The following NUAK1 variants were observed in gnomAD, a reference collection of about 807,000 sequenced individuals.
NUAK1 encodes NUAK family kinase 1, also known as NUAK family SNF1-like kinase 1.
NUAK1 carries 26 observed loss-of-function variants against 56.9 expected under a neutral mutation model. That is an observed-to-expected ratio of 0.46 (90% CI 0.33 to 0.63). NUAK1 has a LOEUF of 0.63. Ranked by LOEUF, NUAK1 falls within the 30% of genes least tolerant of loss-of-function variation. NUAK1 has a pLI of 0.02. For missense variants in NUAK1, 727 were observed against 876.1 expected (o/e 0.83, Z 2.15); for synonymous variants, 337 against 336.0 (o/e 1.00, Z -0.03).
intron 1 of NUAK1, among the ~76,000 whole-genome samples, chr12:106,128,162 C>T (rs1433538014): frequency 7.0e-6 from 1 of 143,844 alleles, no homozygotes; most frequent in Non-Finnish European, 1.5e-5. Context: ...CACAGAGACT[C>T]GTTCTGTTGC....
intron 2 of NUAK1, among the ~76,000 whole-genome samples, chr12:106,100,522 C>T (rs765304273): frequency 4.6e-5 from 7 of 152,200 alleles, no homozygotes; most frequent in Non-Finnish European, 1.0e-4. Context: ...AAAGGGACCG[C>T]CTGGTCTGTT....
intron 2 of NUAK1, 193 bp from the exon 3 acceptor site, chr12:106,087,078 G>T (rs1402400268): frequency 3.5e-6 from 2 of 566,478 alleles, no homozygotes; most frequent in African/African-American, 1.9e-5. Flanking sequence ...AATGGTGTGT[G>T]TCACCACCAC....
intron 2 of NUAK1, among the ~76,000 whole-genome samples, chr12:106,105,379 G>C (rs758684245): frequency 6.6e-5 from 10 of 152,214 alleles, no homozygotes; most frequent in Non-Finnish European, 1.2e-4. Flanking sequence ...TGCACAAGGA[G>C]AGTTGTGAAG....
chr12:106,138,503 A>C lies in NUAK1; in HGVS notation c.151T>G (p.Leu51Val). 2 of 1,613,230 alleles carry C rather than the reference A, an allele frequency of 1.2e-6. No individual in the cohort carries two copies. The highest frequency in any genetic ancestry group is 1.7e-6 in the Non-Finnish European group (2 of 1,179,772). Residue 51 changes from leucine to valine, a missense_variant, in exon 1 of 7, where the codon TTG (leucine) becomes GTG (valine). Transcript: ENST00000261402. The surrounding 1 kb of genome is among the most constrained non-coding windows in gnomAD (Gnocchi z 5.0). Reference protein sequence around the residue: ...GVKRHHHKHNLKHRYELQETL... With the variant: ...GVKRHHHKHNVKHRYELQETL... ...TCCTGCAGCTCGTAGCGGTGCTTCA[A>C]GTTGTGCTTGTGGTGATGCCGCTTC...
At chr12:106,075,409 T>A (rs1380131698) in intron 4 of NUAK1, among the ~76,000 whole-genome samples, 2 of 151,992 alleles carry the variant, frequency 1.3e-5, no homozygotes, top group African/African-American at 4.8e-5. Flanking sequence ...TTATATCAAC[T>A]ATTGATAAGA....
chr12:106,076,287 T>G (rs2032464304), intron 4 of NUAK1, among the ~76,000 whole-genome samples: 1 of 152,210 alleles, frequency 6.6e-6, no homozygotes, highest in Non-Finnish European at 1.5e-5. Flanking sequence ...CAGCAGCAAG[T>G]ACATGAAGGA....
chr12:106,067,711 C>G lies in NUAK1; in HGVS notation c.1077G>C (p.Glu359Asp). ...GCGACCGCTGCCGCTCTAGCATGACCTCAGAGGTCGTGGGTTTGGCCAGGC... is the reference window on the plus strand; with the variant it reads ...GCGACCGCTGCCGCTCTAGCATGACGTCAGAGGTCGTGGGTTTGGCCAGGC... ...MKGLAKPTTS[E>D]VMLERQRSLK... The change falls in exon 7 of 7, where the codon GAG becomes GAC. Residue 359 changes from glutamate to aspartate, a missense_variant. Glu to Asp is a conservative substitution (Grantham distance 45). Coordinates refer to ENST00000261402, the MANE Select transcript of NUAK1 (RefSeq NM_014840.3). This position sits in a 1 kb window ranked among gnomAD's most constrained non-coding sequence, Gnocchi z 6.0. 1 of 1,614,256 alleles carries G rather than the reference C, an allele frequency of 6.2e-7. No individual in the cohort carries two copies. Among genetic ancestry groups the G allele is most frequent in the Non-Finnish European group, 8.5e-7 (1 of 1,180,050 alleles).
At chr12:106,083,552 G>C (rs2032540126) in intron 4 of NUAK1, among the ~76,000 whole-genome samples, 1 of 152,170 alleles carries the variant, frequency 6.6e-6, no homozygotes, top group East Asian at 1.9e-4. Flanking sequence ...AATATGTATT[G>C]GTTGCTAAAA....
intron 5 of NUAK1, among the ~76,000 whole-genome samples, chr12:106,071,292 G>A (rs907760700): frequency 9.9e-5 from 15 of 152,172 alleles, no homozygotes; most frequent in African/African-American, 2.9e-4. Flanking sequence ...CCCCAGTGAC[G>A]GAGGTAAAAC....
chr12:106,080,793 G>A (rs905640820), intron 4 of NUAK1, among the ~76,000 whole-genome samples: 18 of 152,160 alleles, frequency 1.2e-4, no homozygotes, highest in African/African-American at 4.1e-4. Context: ...AGCACCAGAG[G>A]GGGCTCCAAG....
At chr12:106,124,582 A>T (rs903185734) in intron 1 of NUAK1, among the ~76,000 whole-genome samples, 4 of 152,210 alleles carry the variant, frequency 2.6e-5, no homozygotes, top group Admixed American at 1.3e-4. Flanking sequence ...AGACATGAAG[A>T]TTCACAAAAT....
intron 1 of NUAK1, among the ~76,000 whole-genome samples, chr12:106,128,044 G>A (rs1483061429): frequency 6.6e-6 from 1 of 151,880 alleles, no homozygotes; most frequent in East Asian, 1.9e-4. Context: ...CGAAGAAACC[G>A]AGTCACAGTT....
chr12:106,138,681 A>C lies in NUAK1; in HGVS notation c.-28T>G, dbSNP rs1272693865. The C allele has an allele frequency of 1.3e-6, 2 of 1,492,770 alleles. No homozygotes were observed. The highest frequency in any genetic ancestry group is 1.3e-5 in the South Asian group (1 of 75,020). The allele number at this position is 1,492,770 out of a possible 1,614,324, so 92.5% of individuals were successfully genotyped here. A position where few individuals can be genotyped will look rare whatever the true frequency, so the allele number is the denominator to read the frequency against. ...CCAAGCGCGGGGCGAGCCGGGCTAC[A>C]GAGGGCAAGACCGGGCACAGCGCTG... On this transcript the variant is annotated 5_prime_UTR_variant, in exon 1 of 7. Transcript: ENST00000261402. This position sits in a 1 kb window ranked among gnomAD's most constrained non-coding sequence, Gnocchi z 5.0.
intron 2 of NUAK1, among the ~76,000 whole-genome samples, chr12:106,101,957 A>G (rs1362866940): frequency 6.6e-6 from 1 of 152,262 alleles, no homozygotes; most frequent in Non-Finnish European, 1.5e-5. Context: ...GAGGTGTAGG[A>G]GCTGGAATAC....
chr12:106,114,036 G>A (rs1357873194), intron 1 of NUAK1, among the ~76,000 whole-genome samples: 3 of 152,194 alleles, frequency 2.0e-5, no homozygotes, highest in East Asian at 3.8e-4. Context: ...GGACGTTCAC[G>A]TCTCTGAAGC....
chr12:106,084,434 T>G (rs2032551819), intron 3 of NUAK1, among the ~76,000 whole-genome samples: 1 of 152,254 alleles, frequency 6.6e-6, no homozygotes, highest in Non-Finnish European at 1.5e-5. Context: ...TGTTTTGATC[T>G]GTCCTGAGGA....
intron 2 of NUAK1, among the ~76,000 whole-genome samples, chr12:106,096,746 C>A (rs781524656): frequency 6.6e-6 from 1 of 152,230 alleles, no homozygotes; most frequent in Non-Finnish European, 1.5e-5. Context: ...CCGCCAGACA[C>A]ACGTTCTTCC....
At chr12:106,112,721 G>A (rs1175187401) in intron 1 of NUAK1, among the ~76,000 whole-genome samples, 1 of 152,104 alleles carries the variant, frequency 6.6e-6, no homozygotes, top group Non-Finnish European at 1.5e-5. Context: ...CTACATGAAT[G>A]TATTTCAGAA....
chr12:106,087,498 G>A (rs1452801218), intron 2 of NUAK1, among the ~76,000 whole-genome samples: 1 of 152,212 alleles, frequency 6.6e-6, no homozygotes, highest in Non-Finnish European at 1.5e-5. Flanking sequence ...ACTCACTGGT[G>A]TATCCTCAGC....
Sources: gnomAD v4.1 joint callset for allele counts (sites outside exome capture counted in the v4.1 genomes callset) on GRCh38, gnomAD v4.1.1 for gene constraint, Gnocchi (gnomAD v3.1) non-coding constraint, MANE v1.5 for transcripts, NCBI Gene and HGNC (gene_info 2026-07-23, HGNC 2026-07-21) for gene names.